The following GALK2 variants were observed in gnomAD, a reference collection of about 807,000 sequenced individuals.
GALK2 encodes galactokinase 2, also known as N-acetylgalactosamine kinase.
Under a neutral mutation model 52.4 loss-of-function variants are expected in GALK2, and 36 were observed. The ratio of observed to expected loss-of-function variants is 0.69; its 90% CI spans 0.53 to 0.91. GALK2 has a LOEUF of 0.91. GALK2 is among the 40% of genes least tolerant of loss of function. The probability of loss-of-function intolerance (pLI) is 0.00; values close to 1 mark genes in which losing one functional copy is unlikely to be tolerated. For missense variants in GALK2, 579 were observed against 559.1 expected (o/e 1.04, Z -0.36); for synonymous variants, 176 against 199.1 (o/e 0.88, Z 0.98).
intron 5 of GALK2, among the ~76,000 whole-genome samples, chr15:49,258,113 A>G (rs1276526597): frequency 6.6e-6 from 1 of 152,102 alleles, no homozygotes; most frequent in Non-Finnish European, 1.5e-5. Context: ...CATTTAGCTC[A>G]TATGTTGATT....
intron 5 of GALK2, among the ~76,000 whole-genome samples, chr15:49,275,027 T>C (rs138997639): frequency 5.3e-5 from 8 of 152,260 alleles, no homozygotes; most frequent in Admixed American, 1.3e-4. Context: ...AAAAGTATAA[T>C]AAATATGTAC....
At chr15:49,191,833 A>C (rs547387625) in intron 1 of GALK2, among the ~76,000 whole-genome samples, 39 of 150,128 alleles carry the variant, frequency 2.6e-4, no homozygotes, top group African/African-American at 8.1e-4. Flanking sequence ...ACTTATTACT[A>C]CAATGATCTC....
At chr15:49,236,026 C>A in intron 4 of GALK2, 85 bp downstream of exon 4, 1 of 839,014 alleles carries the variant, frequency 1.2e-6, no homozygotes, top group Non-Finnish European at 2.0e-6. Flanking sequence ...ACATCTTTTT[C>A]ATCTCCTTAC....
intron 3 of GALK2, among the ~76,000 whole-genome samples, chr15:49,349,741 G>C (rs2041988955): frequency 1.3e-5 from 2 of 152,188 alleles, no homozygotes; most frequent in African/African-American, 4.8e-5. Context: ...GACCTCTACT[G>C]ACTTCTGGGC....
At chr15:49,270,233 A>T (rs567800824) in intron 5 of GALK2, among the ~76,000 whole-genome samples, 1 of 152,388 alleles carries the variant, frequency 6.6e-6, no homozygotes, top group East Asian at 1.9e-4. Context: ...GAATAAAAAC[A>T]TACCAACTCT....
intron 3 of GALK2, among the ~76,000 whole-genome samples, chr15:49,337,135 A>G (rs1447147828): frequency 2.0e-5 from 3 of 152,130 alleles, no homozygotes; most frequent in South Asian, 2.1e-4. Context: ...GCTATTGTGA[A>G]TAGTGCTGCA....
At chr15:49,326,184 A>G (rs1218739163) in intron 9 of GALK2, among the ~76,000 whole-genome samples, 1 of 151,678 alleles carries the variant, frequency 6.6e-6, no homozygotes, top group Non-Finnish European at 1.5e-5. Context: ...TTCCAGAGAC[A>G]CTTCAGTGAC....
intron 1 of GALK2, among the ~76,000 whole-genome samples, chr15:49,183,835 C>G (rs948465673): frequency 2.1e-4 from 29 of 139,176 alleles, no homozygotes; most frequent in African/African-American, 6.6e-4. Context: ...AAGAATGAAA[C>G]TTTGTCTCAG....
At chr15:49,234,130 T>G (rs1421209587) in intron 3 of GALK2, among the ~76,000 whole-genome samples, 1 of 152,252 alleles carries the variant, frequency 6.6e-6, no homozygotes, top group Non-Finnish European at 1.5e-5. Context: ...ATGGGGAATT[T>G]TGCTTCATTT....
intron 2 of GALK2, among the ~76,000 whole-genome samples, chr15:49,209,891 A>G (rs1242954804): frequency 1.3e-5 from 2 of 152,222 alleles, no homozygotes; most frequent in Non-Finnish European, 1.5e-5. Flanking sequence ...TTTTTTTGCA[A>G]GTCTGAAAAG....
intron 8 of GALK2, among the ~76,000 whole-genome samples, chr15:49,318,479 TTAA>T (rs1252755949): frequency 6.6e-6 from 1 of 152,164 alleles, no homozygotes; most frequent in African/African-American, 2.4e-5. Context: ...GTTTTTTCAC[TTAA>T]TAATGAATAA....
At chr15:49,240,530 G>A (rs2091044000) in intron 5 of GALK2, among the ~76,000 whole-genome samples, 1 of 152,108 alleles carries the variant, frequency 6.6e-6, no homozygotes. Context: ...GTTTTCTATG[G>A]GAGCAGATAT....
intron 9 of GALK2, among the ~76,000 whole-genome samples, chr15:49,323,682 A>C (rs971232858): frequency 5.3e-5 from 8 of 152,210 alleles, no homozygotes; most frequent in Non-Finnish European, 1.0e-4. Flanking sequence ...CTTAGCATAT[A>C]GGACAATGTA....
intron 3 of GALK2, among the ~76,000 whole-genome samples, chr15:49,339,519 C>A (rs1343445599): frequency 6.6e-6 from 1 of 152,156 alleles, no homozygotes; most frequent in Non-Finnish European, 1.5e-5. Flanking sequence ...GGGGCACCCG[C>A]CAGATGCCAG....
At chr15:49,222,705 T>C (rs937340200) in intron 3 of GALK2, among the ~76,000 whole-genome samples, 2 of 152,336 alleles carry the variant, frequency 1.3e-5, no homozygotes, top group East Asian at 3.9e-4. Context: ...TAGTGATTTG[T>C]GTTTCTTGAA....
intron 1 of GALK2, among the ~76,000 whole-genome samples, chr15:49,178,115 G>T (rs1207089434): frequency 7.0e-6 from 1 of 142,100 alleles, no homozygotes; most frequent in Non-Finnish European, 1.5e-5. Flanking sequence ...GTTGCAGTGA[G>T]TGAGATTGTG....
chr15:49,319,098 C>A (rs1238980061), intron 8 of GALK2: 2 of 373,960 alleles, frequency 5.3e-6, no homozygotes, highest in Admixed American at 3.5e-5. Flanking sequence ...TTACATGCAC[C>A]CACCATCATC....
In GALK2 at chr15:49,259,396, G is replaced by A. The variant is rs193065838; in HGVS notation, c.504+20029G>A. ...GATGTTCCCCTTCCTGTGTCCATGT[G>A]TTCTCATTGTTCAGTTCCCACCTAT... On this transcript the variant is annotated intron_variant, in intron 5 of 9. Transcript: ENST00000560031. Among the ~76,000 whole-genome samples, 1,116 of 130,822 alleles carry A rather than the reference G, an allele frequency of 8.5e-3. 11 individuals are homozygous for A. Among genetic ancestry groups the A allele is most frequent in the Middle Eastern group, 0.043 (8 of 188 alleles). The allele number at this position is 130,822 out of a possible 152,430, so 85.8% of individuals were successfully genotyped here.
At chr15:49,179,845 G>A (rs577323697) in intron 1 of GALK2, among the ~76,000 whole-genome samples, 1 of 151,916 alleles carries the variant, frequency 6.6e-6, no homozygotes, top group African/African-American at 2.4e-5. Context: ...AAGACACAAG[G>A]TCTTGTTGGT....
Sources: allele counts gnomAD v4.1 joint callset (sites outside exome capture counted in the v4.1 genomes callset), GRCh38; gene constraint gnomAD v4.1.1; transcripts MANE v1.5; gene names NCBI Gene and HGNC (gene_info 2026-07-23, HGNC 2026-07-21).